The following RAD51B variants were observed in gnomAD, a reference collection of about 807,000 sequenced individuals.
RAD51B encodes the protein DNA repair protein RAD51 homolog 2.
A neutral mutation model predicts 42.2 loss-of-function variants in RAD51B; 38 were observed. The ratio of observed to expected loss-of-function variants is 0.90; its 90% CI spans 0.70 to 1.18. The LOEUF is 1.18. Ranked by LOEUF, RAD51B falls within the 50% of genes most tolerant of loss-of-function variation. The pLI, the probability that RAD51B is intolerant of heterozygous loss-of-function variation, is 0.00. For synonymous variants in RAD51B, 154 were observed against 145.2 expected (o/e 1.06, Z -0.43); for missense variants, 373 against 400.7 (o/e 0.93, Z 0.59).
At chr14:68,421,018 A>G (rs1057219556) in intron 9 of RAD51B, among the ~76,000 whole-genome samples, 2 of 152,178 alleles carry the variant, frequency 1.3e-5, no homozygotes, top group African/African-American at 4.8e-5. Flanking sequence ...TTAGACCTAG[A>G]ATGTCATTTG....
chr14:68,432,384 C>G (rs2085032913), intron 9 of RAD51B, among the ~76,000 whole-genome samples: 1 of 152,184 alleles, frequency 6.6e-6, no homozygotes, highest in South Asian at 2.1e-4. Context: ...GTGTGGGCGT[C>G]TAAGTCCCTT....
chr14:68,029,807 G>A (rs1356113180), intron 7 of RAD51B, among the ~76,000 whole-genome samples: 1 of 152,154 alleles, frequency 6.6e-6, no homozygotes, highest in Admixed American at 6.5e-5. Context: ...CCGTATCTGT[G>A]GCACTTACAG....
chr14:68,661,655 G>A (rs1052244029), intron 11 of RAD51B, among the ~76,000 whole-genome samples: 8 of 152,198 alleles, frequency 5.3e-5, no homozygotes, highest in Non-Finnish European at 8.8e-5. Context: ...TGAAGGGGGC[G>A]TGGCATGCAA....
intron 7 of RAD51B, among the ~76,000 whole-genome samples, chr14:68,119,537 C>G (rs1363751571): frequency 7.5e-6 from 1 of 133,724 alleles, no homozygotes; most frequent in Non-Finnish European, 1.5e-5. Flanking sequence ...TCTCATTGTT[C>G]AATTCCCACC....
chr14:68,245,840 C>T (rs755463584), intron 7 of RAD51B, among the ~76,000 whole-genome samples: 1 of 152,026 alleles, frequency 6.6e-6, no homozygotes. Flanking sequence ...TGGGCCTGAC[C>T]CTCATGGATC....
downstream of RAD51B, among the ~76,000 whole-genome samples, chr14:68,481,282 GA>G (rs35045438): frequency 0.43 from 63,524 of 149,304 alleles, 13,852 homozygotes; most frequent in East Asian, 0.56. Flanking sequence ...TGTCTGCCAC[GA>G]AAAAAAAAAT....
intron 10 of RAD51B, among the ~76,000 whole-genome samples, chr14:68,517,215 A>AAAGGG (rs769067834): frequency 1.9e-4 from 24 of 127,156 alleles, no homozygotes; most frequent in African/African-American, 5.1e-4. Flanking sequence ...CAAAGAAAAG[A>AAAGGG]AAGGGAAGGG....
At chr14:68,310,584 G>A (rs780802422) in intron 8 of RAD51B, among the ~76,000 whole-genome samples, 7 of 152,254 alleles carry the variant, frequency 4.6e-5, no homozygotes, top group East Asian at 1.9e-4. Flanking sequence ...GGTGGCTCAC[G>A]CCTGTAATCC....
chr14:68,197,056 G>A (rs1363387959), intron 7 of RAD51B, among the ~76,000 whole-genome samples: 2 of 152,142 alleles, frequency 1.3e-5, no homozygotes, highest in Non-Finnish European at 2.9e-5. Flanking sequence ...CTAACTCAAG[G>A]AAATGCAATG....
intron 7 of RAD51B, among the ~76,000 whole-genome samples, chr14:68,044,543 A>G (rs1470694597): frequency 6.6e-6 from 1 of 152,114 alleles, no homozygotes; most frequent in Non-Finnish European, 1.5e-5. Context: ...TTTCCATCTA[A>G]ATTTTTTTAG....
chr14:68,526,433 C>T (rs1017218675), intron 10 of RAD51B, among the ~76,000 whole-genome samples: 10 of 152,226 alleles, frequency 6.6e-5, no homozygotes, highest in African/African-American at 2.2e-4. Context: ...TGTCGTTAAG[C>T]GACATGTGAC....
intron 7 of RAD51B, among the ~76,000 whole-genome samples, chr14:68,175,956 A>T (rs2078955360): frequency 6.6e-6 from 1 of 152,268 alleles, no homozygotes; most frequent in Middle Eastern, 3.4e-3. Context: ...TTTCATCAAG[A>T]TGTTGCCTCT....
chr14:68,035,804 G>A (rs1468002284), intron 7 of RAD51B, among the ~76,000 whole-genome samples: 1 of 152,118 alleles, frequency 6.6e-6, no homozygotes, highest in Non-Finnish European at 1.5e-5. Flanking sequence ...AATGTCAGAA[G>A]CCAGGCCTTA....
intron 7 of RAD51B, among the ~76,000 whole-genome samples, chr14:68,009,711 A>G (rs182323994): frequency 1.3e-5 from 2 of 152,042 alleles, no homozygotes; most frequent in East Asian, 3.9e-4. Flanking sequence ...GACCTCTTCT[A>G]TAAAATAGCA....
chr14:68,230,009 G>A (rs770393668), intron 7 of RAD51B, among the ~76,000 whole-genome samples: 34 of 152,152 alleles, frequency 2.2e-4, no homozygotes, highest in Non-Finnish European at 4.3e-4. Context: ...ATCATTTCTA[G>A]CATGTCACTG....
intron 7 of RAD51B, chr14:68,236,278 T>C (rs182243758): frequency 6.6e-6 from 1 of 152,174 alleles, no homozygotes; most frequent in East Asian, 1.9e-4. Flanking sequence ...CAGGCTGGAG[T>C]GTAGTGGCCA....
intron 7 of RAD51B, among the ~76,000 whole-genome samples, chr14:68,168,200 G>A (rs1171407649): frequency 2.0e-5 from 3 of 152,064 alleles, no homozygotes; most frequent in African/African-American, 7.2e-5. Context: ...ATATGGAATT[G>A]TATGAAATTT....
chr14:68,515,040 G>A (rs1304121695), intron 10 of RAD51B, among the ~76,000 whole-genome samples: 1 of 152,204 alleles, frequency 6.6e-6, no homozygotes, highest in African/African-American at 2.4e-5. Context: ...GTGTGCCTGG[G>A]AGCTGCAGAG....
At chr14:68,191,365 T>C (rs2079264072) in intron 7 of RAD51B, among the ~76,000 whole-genome samples, 1 of 152,184 alleles carries the variant, frequency 6.6e-6, no homozygotes, top group Non-Finnish European at 1.5e-5. Context: ...GATCAGGTCA[T>C]TTAGTAGGAC....
Sources: allele counts gnomAD v4.1 joint callset (sites outside exome capture counted in the v4.1 genomes callset), GRCh38; gene constraint gnomAD v4.1.1; transcripts MANE v1.5; gene names NCBI Gene and HGNC (gene_info 2026-07-23, HGNC 2026-07-21).